PINX1: variants seen among roughly 807,000 people sequenced by gnomAD.
The protein encoded by PINX1 is PIN2/TERF1-interacting telomerase inhibitor 1.
A neutral mutation model predicts 25.4 loss-of-function variants in PINX1; 34 were observed. The observed-to-expected ratio is 1.34, with a 90% CI of 1.02 to 1.78. PINX1 has a LOEUF of 1.78. Among genes scored for constraint, PINX1 ranks in the 40% most tolerant of loss-of-function variants. PINX1 has a pLI of 0.00. For missense variants in PINX1, 592 were observed against 404.9 expected, an observed-to-expected ratio of 1.46 and a Z score of -3.97; for synonymous variants, 197 against 147.7, an observed-to-expected ratio of 1.33 and a Z score of -2.42.
Position 10,805,570 on chromosome 8 carries a change from T to C in PINX1, c.471+14623A>G, listed in dbSNP as rs189247953. On this transcript the variant is annotated intron_variant, in intron 6 of 6. Coordinates refer to ENST00000314787, the MANE Select transcript of PINX1 (RefSeq NM_017884.6). ...AGAGCACAGGAAGGGGCCACACTAGTGCTGAGGGGGTGACAGAGCACAGGA... is the reference window on the plus strand; with the variant it reads ...AGAGCACAGGAAGGGGCCACACTAGCGCTGAGGGGGTGACAGAGCACAGGA... Among the ~76,000 whole-genome samples, 574 of 122,660 alleles carry C rather than the reference T, an allele frequency of 4.7e-3. 1 individual carries two copies. In the Middle Eastern group the frequency reaches 0.068, roughly 15 times the overall value. 80.5% of individuals were successfully genotyped at this position (122,660 alleles called of 152,430 possible). A position where few individuals can be genotyped will look rare whatever the true frequency, so the allele number is the denominator to read the frequency against.
At chr8:10,837,295 C>G (rs548009005) in intron 1 of PINX1, among the ~76,000 whole-genome samples, 2 of 152,350 alleles carry the variant, frequency 1.3e-5, no homozygotes, top group African/African-American at 4.8e-5. Context: ...TATTTGCTCT[C>G]AGAACTCACT....
At chr8:10,823,354 C>T (rs1331660382) in intron 5 of PINX1, among the ~76,000 whole-genome samples, 2 of 152,100 alleles carry the variant, frequency 1.3e-5, no homozygotes, top group Non-Finnish European at 2.9e-5. Flanking sequence ...ACAGTTTATG[C>T]AACTTTCATC....
At chr8:10,803,394 A>T (rs1192405956) in intron 6 of PINX1, among the ~76,000 whole-genome samples, 1 of 152,228 alleles carries the variant, frequency 6.6e-6, no homozygotes, top group Non-Finnish European at 1.5e-5. Flanking sequence ...ACGTCTTTTT[A>T]TGGTTCAAAT....
At chr8:10,808,781 A>G (rs1021884053) in intron 6 of PINX1, among the ~76,000 whole-genome samples, 5 of 152,228 alleles carry the variant, frequency 3.3e-5, no homozygotes, top group African/African-American at 7.2e-5. Context: ...GTCAAAACCA[A>G]TCGGCCTATC....
At chr8:10,816,756 T>C (rs1797710303) in intron 6 of PINX1, among the ~76,000 whole-genome samples, 1 of 152,216 alleles carries the variant, frequency 6.6e-6, no homozygotes, top group Admixed American at 6.5e-5. Flanking sequence ...GATTTTTTGT[T>C]AAATGAGAAA....
intron 1 of PINX1, among the ~76,000 whole-genome samples, chr8:10,837,073 G>C (rs185400598): frequency 9.2e-5 from 14 of 152,318 alleles, no homozygotes; most frequent in Non-Finnish European, 1.8e-4. Context: ...GTTCATAACA[G>C]GGAACTCAAG....
At chr8:10,821,463 G>A (rs890935309) in intron 5 of PINX1, among the ~76,000 whole-genome samples, 8 of 152,320 alleles carry the variant, frequency 5.3e-5, no homozygotes, top group African/African-American at 1.4e-4. Context: ...TCTGGCTGCT[G>A]CTCTCCTTCC....
chr8:10,784,790 T>C (rs191300215), intron 6 of PINX1, among the ~76,000 whole-genome samples: 3 of 152,354 alleles, frequency 2.0e-5, no homozygotes, highest in Admixed American at 1.3e-4. Context: ...GAAGGGGGGA[T>C]GTCATTAATG....
intron 6 of PINX1, among the ~76,000 whole-genome samples, chr8:10,776,517 G>A (rs1269298402): frequency 2.0e-5 from 3 of 152,066 alleles, no homozygotes; most frequent in Non-Finnish European, 4.4e-5. Context: ...TCTTAACACT[G>A]TCATTAACCT....
At chr8:10,766,242 C>T (rs1181206701) in intron 6 of PINX1, among the ~76,000 whole-genome samples, 3 of 152,194 alleles carry the variant, frequency 2.0e-5, no homozygotes. Flanking sequence ...TAAATGTCTC[C>T]CTAGAAACAA....
chr8:10,809,227 G>T (rs1379734667), intron 6 of PINX1, among the ~76,000 whole-genome samples: 1 of 152,198 alleles, frequency 6.6e-6, no homozygotes, highest in Non-Finnish European at 1.5e-5. Context: ...TTCCCCTTCA[G>T]TCCTTAACAA....
intron 5 of PINX1, chr8:10,822,022 T>A (rs567668925): frequency 1.3e-5 from 2 of 152,142 alleles, no homozygotes; most frequent in African/African-American, 4.8e-5. Flanking sequence ...GTGTCTAAAG[T>A]TTTGATGATG....
At chr8:10,786,395 T>C (rs1801748134) in intron 6 of PINX1, among the ~76,000 whole-genome samples, 1 of 152,074 alleles carries the variant, frequency 6.6e-6, no homozygotes, top group African/African-American at 2.4e-5. Flanking sequence ...ATGGTGCCAG[T>C]AAAAGTGGGG....
At chr8:10,830,375 G>C (rs1216305921) in intron 4 of PINX1, among the ~76,000 whole-genome samples, 1 of 152,200 alleles carries the variant, frequency 6.6e-6, no homozygotes, top group East Asian at 1.9e-4. Flanking sequence ...GATGTGTGCT[G>C]TGATTTTACC....
At position 10,833,969 on chromosome 8, in the gene PINX1, A is replaced by T. The variant is rs182817921; in HGVS notation, c.129+697T>A. On this transcript the variant is annotated intron_variant, in intron 2 of 6. Coordinates refer to ENST00000314787, the MANE Select transcript of PINX1 (RefSeq NM_017884.6). Reference sequence around the variant, plus strand: ...CTCAAGTGGAAATATCAAGTAGGCTATTGAATTTACAAATCTAGAGCTCAG... The same window carrying T: ...CTCAAGTGGAAATATCAAGTAGGCTTTTGAATTTACAAATCTAGAGCTCAG... Among the ~76,000 whole-genome samples, 122 of 152,332 alleles carry T rather than the reference A, an allele frequency of 8.0e-4. 1 individual carries two copies. The highest frequency in any genetic ancestry group is 5.7e-3 in the Admixed American group (88 of 15,310).
chr8:10,777,955 C>G (rs772707371), intron 6 of PINX1, among the ~76,000 whole-genome samples: 6 of 152,170 alleles, frequency 3.9e-5, no homozygotes, highest in African/African-American at 1.4e-4. Flanking sequence ...GGCCAGGACA[C>G]ACTTGCTCAC....
At chr8:10,822,844 T>C (rs566609850) in intron 5 of PINX1, among the ~76,000 whole-genome samples, 6 of 152,348 alleles carry the variant, frequency 3.9e-5, no homozygotes, top group South Asian at 4.1e-4. Context: ...GCAAGGAATA[T>C]GTTTGCTAAA....
chr8:10,817,684 C>A (rs1441817983), intron 6 of PINX1, among the ~76,000 whole-genome samples: 4 of 152,198 alleles, frequency 2.6e-5, no homozygotes, highest in African/African-American at 9.7e-5. Context: ...GCAGTATCAC[C>A]TGGGGGCTCC....
rs1237979903 is a variant in PINX1, at chr8:10,820,395, CT to C, written c.395-127del. The C allele has an allele frequency of 8.4e-6, 6 of 710,284 alleles. 1 individual carries two copies. The East Asian group carries it at 1.3e-4, about 16-fold the overall frequency. 44.0% of individuals were successfully genotyped at this position (710,284 alleles called of 1,614,324 possible). On this transcript the variant is annotated intron_variant, in intron 5 of 6. Transcript: ENST00000314787. ...AAAGAAAGAAACAATTTTGAAACTA[CT>C]GACTTTCTACCCACTTTTTCATTAC...
Sources: gnomAD v4.1 joint callset for allele counts (sites outside exome capture counted in the v4.1 genomes callset) on GRCh38, gnomAD v4.1.1 for gene constraint, MANE v1.5 for transcripts, NCBI Gene and HGNC (gene_info 2026-07-23, HGNC 2026-07-21) for gene names.